The following NARS1 variants were observed in gnomAD, a reference collection of about 807,000 sequenced individuals.
NARS1 encodes the protein asparagine--tRNA ligase, cytoplasmic.
In NARS1, 65 loss-of-function variants were observed where a neutral mutation model predicts 79.2. The ratio of observed to expected loss-of-function variants is 0.82; its 90% CI spans 0.67 to 1.01. The LOEUF is 1.01. Among genes scored for constraint, NARS1 ranks in the 50% least tolerant of loss-of-function variants. NARS1 has a pLI of 0.00. For synonymous variants in NARS1, 229 were observed against 238.8 expected (o/e 0.96, Z 0.38); for missense variants, 649 against 673.8 (o/e 0.96, Z 0.41).
intron 11 of NARS1, among the ~76,000 whole-genome samples, chr18:57,603,823 G>A (rs1400267338): frequency 9.4e-6 from 1 of 106,382 alleles, no homozygotes; most frequent in African/African-American, 3.2e-5. Flanking sequence ...TAGTCTCTCA[G>A]CTTGCATCTG....
intron 2 of NARS1, among the ~76,000 whole-genome samples, chr18:57,616,585 G>A (rs1469828104): frequency 6.6e-6 from 1 of 152,182 alleles, no homozygotes; most frequent in Admixed American, 6.6e-5. Flanking sequence ...ACAGGTACAA[G>A]GACAACAGAA....
At chr18:57,607,373 G>A (rs745656665) in intron 8 of NARS1, 40 bp from the exon 9 acceptor site, 1 of 1,609,630 alleles carries the variant, frequency 6.2e-7, no homozygotes, top group South Asian at 1.1e-5. Flanking sequence ...ATGCTATCGT[G>A]AGCACCACTA....
At chr18:57,609,876 G>A (rs2051591114) in intron 6 of NARS1, among the ~76,000 whole-genome samples, 1 of 151,566 alleles carries the variant, frequency 6.6e-6, no homozygotes, top group South Asian at 2.1e-4. Flanking sequence ...GACAACAAAG[G>A]GAGAGATAAA....
intron 11 of NARS1, among the ~76,000 whole-genome samples, chr18:57,604,073 A>C (rs1371589349): frequency 1.3e-5 from 2 of 152,222 alleles, no homozygotes; most frequent in Non-Finnish European, 2.9e-5. Context: ...AAGGAACCTG[A>C]GAGGGGGTCA....
chr18:57,617,652 C>T (rs1908109186), intron 2 of NARS1, among the ~76,000 whole-genome samples: 1 of 150,188 alleles, frequency 6.7e-6, no homozygotes, highest in African/African-American at 2.4e-5. Context: ...CGTGGTGGCT[C>T]ACGCCTATAA....
In NARS1 at chr18:57,602,490, T is replaced by TA; in HGVS notation, c.1384-5dup. ...CATTGGGCATCAACACGTCGACCTT[T>TA]AAATATAAGTGAAAGAAGATACACA... On this transcript the variant is annotated splice_region_variant and splice_polypyrimidine_tract_variant and intron_variant, in intron 12 of 13. Coordinates refer to ENST00000256854, the MANE Select transcript of NARS1 (RefSeq NM_004539.4). 1 of 1,613,560 alleles carries TA rather than the reference T, an allele frequency of 6.2e-7. No homozygotes were observed. Among genetic ancestry groups the TA allele is most frequent in the Non-Finnish European group, 8.5e-7 (1 of 1,179,634 alleles).
chr18:57,605,772 C>T lies in NARS1; in HGVS notation c.1251+85G>A, dbSNP rs906007896. 4.3e-5 allele frequency: 38 copies of T among 881,358 alleles called. No homozygotes were observed. The Admixed American group carries it at 4.7e-4, about 11-fold the overall frequency. The allele number at this position is 881,358 out of a possible 1,614,324, so 54.6% of individuals were successfully genotyped here. A position where few individuals can be genotyped will look rare whatever the true frequency, so the allele number is the denominator to read the frequency against. On this transcript the variant is annotated intron_variant, in intron 11 of 13. Coordinates refer to ENST00000256854, the MANE Select transcript of NARS1 (RefSeq NM_004539.4). ...CATTTATTTGAGGACAGGCAGATGC[C>T]ACCCATGTTACTAGTTCATTAACCA...
chr18:57,602,735 C>T, intron 12 of NARS1, 77 bp downstream of exon 12: 1 of 1,505,600 alleles, frequency 6.6e-7, no homozygotes, highest in Non-Finnish European at 9.1e-7. Flanking sequence ...TTGGCATGAG[C>T]TGTACCTGAT....
At chr18:57,605,178 G>A (rs1023637486) in intron 11 of NARS1, among the ~76,000 whole-genome samples, 1 of 149,340 alleles carries the variant, frequency 6.7e-6, no homozygotes. Flanking sequence ...TTTTGCATGT[G>A]ATTTCAAAGG....
chr18:57,601,769 T>C lies in NARS1; in HGVS notation c.1530A>G (p.Thr510=), dbSNP rs1194771194. The stretch of plus-strand genomic sequence containing the variant: ...CCAAGCCATATCCTCCATGGGGACA[T>C]GTACCGTATTTTCTCTGTTTAAAAA... ...YWYTDQRKYG[T]CPHGGYGLGL... The change falls in exon 14 of 14, where the codon ACA becomes ACG. Residue 510 remains threonine, a synonymous_variant. Coordinates refer to ENST00000256854, the MANE Select transcript of NARS1 (RefSeq NM_004539.4). 2 of 1,613,394 alleles carry C rather than the reference T, an allele frequency of 1.2e-6. No individual in the cohort carries two copies. Among genetic ancestry groups the C allele is most frequent in the Admixed American group, 1.7e-5 (1 of 59,972 alleles).
Position 57,607,663 on chromosome 18 carries a change from A to G in NARS1, c.582T>C (p.Ala194=), listed in dbSNP as rs2051570980. The G allele has an allele frequency of 1.2e-6, 2 of 1,605,132 alleles. No homozygotes were observed. The highest frequency in any genetic ancestry group is 8.5e-7 in the Non-Finnish European group (1 of 1,173,900). The change falls in exon 8 of 14, where the codon GCT becomes GCC. Residue 194 remains alanine (A), a splice_region_variant and synonymous_variant. Coordinates refer to ENST00000256854, the MANE Select transcript of NARS1 (RefSeq NM_004539.4). ...MLNLTPKGKQ[A]PGGHELSCDF... The stretch of plus-strand genomic sequence containing the variant: ...CACAACTCAGCTCATGGCCACCTGG[A>G]GCCTGCATTTTTTAAAAGTGGGGTC...
At position 57,609,453 on chromosome 18, in the gene NARS1, G is replaced by A; in HGVS notation, c.493-10C>T. 1 of 1,605,450 alleles carries A rather than the reference G, an allele frequency of 6.2e-7. No individual in the cohort carries two copies. The highest frequency in any genetic ancestry group is 8.5e-7 in the Non-Finnish European group (1 of 1,174,944). On this transcript the variant is annotated splice_polypyrimidine_tract_variant and intron_variant, in intron 6 of 13. Coordinates refer to ENST00000256854, the MANE Select transcript of NARS1 (RefSeq NM_004539.4). ...CATTGTAGCACTGACACTATAAAAA[G>A]GTCAAAGCTCAAATTTAGTTATTCA...
At position 57,620,604 on chromosome 18, in the gene NARS1, C is replaced by T; in HGVS notation, c.58G>A (p.Gly20Arg). Residue 20 changes from glycine (G) to arginine (R), a missense_variant, in exon 2 of 14, where the codon GGA becomes AGA. Gly to Arg is a moderately radical substitution (Grantham distance 125, BLOSUM62 -2). Coordinates refer to ENST00000256854, the MANE Select transcript of NARS1 (RefSeq NM_004539.4). ...GTTTTAAATGGTTTCTCCTTGGTTC[C>T]ATCTCCCGTGGCATCGCTTCCCTCT... ...DREGSDATGD[G>R]TKEKPFKTGL... 1 of 1,613,750 alleles carries T rather than the reference C, an allele frequency of 6.2e-7. No homozygotes were observed. Among genetic ancestry groups the T allele is most frequent in the African/African-American group, 1.3e-5 (1 of 75,018 alleles).
At chr18:57,611,400 T>G (rs1426367625) in intron 6 of NARS1, among the ~76,000 whole-genome samples, 1 of 152,186 alleles carries the variant, frequency 6.6e-6, no homozygotes, top group Non-Finnish European at 1.5e-5. Context: ...TGATGATTTT[T>G]TATATGGTTC....
chr18:57,616,042 C>G, intron 2 of NARS1, 67 bp from the exon 3 acceptor site: 1 of 1,394,296 alleles, frequency 7.2e-7, no homozygotes, highest in East Asian at 2.3e-5. Context: ...AAAATAACAT[C>G]TCAAGTATAA....
intron 2 of NARS1, among the ~76,000 whole-genome samples, chr18:57,619,724 C>T (rs1300391580): frequency 6.6e-6 from 1 of 151,940 alleles, no homozygotes; most frequent in Non-Finnish European, 1.5e-5. Flanking sequence ...TCTTCTGAGA[C>T]AGGGTCTCAG....
chr18:57,621,637 C>A (rs1908308555), intron 1 of NARS1, 71 bp downstream of exon 1: 2 of 1,499,016 alleles, frequency 1.3e-6, no homozygotes, highest in South Asian at 2.3e-5. Context: ...AAGGAAAGCG[C>A]CGAAACCCGA....
intron 6 of NARS1, among the ~76,000 whole-genome samples, chr18:57,610,182 A>G (rs1179276415): frequency 6.6e-6 from 1 of 152,370 alleles, no homozygotes; most frequent in African/African-American, 2.4e-5. Context: ...GTCATAAAAA[A>G]GACAACTGGC....
rs533465260 is a variant in NARS1, at chr18:57,613,763, G to A, written c.343-83C>T. The A allele has an allele frequency of 4.3e-6, 5 of 1,153,712 alleles. No individual in the cohort carries two copies. In the African/African-American group the frequency reaches 4.6e-5, roughly 11 times the overall value. 71.5% of individuals were successfully genotyped at this position (1,153,712 alleles called of 1,614,324 possible). A position where few individuals can be genotyped will look rare whatever the true frequency, so the allele number is the denominator to read the frequency against. On this transcript the variant is annotated intron_variant, in intron 4 of 13. Coordinates refer to ENST00000256854, the MANE Select transcript of NARS1 (RefSeq NM_004539.4). ...TTTCACTAATATTAGGCAGACGGTA[G>A]TAAGTGTTAAAAATCACAAATGGTG...
Sources: allele counts gnomAD v4.1 joint callset (sites outside exome capture counted in the v4.1 genomes callset), GRCh38; gene constraint gnomAD v4.1.1; transcripts MANE v1.5; gene names NCBI Gene and HGNC (gene_info 2026-07-23, HGNC 2026-07-21).